The following PCDH7 variants were observed in gnomAD, a reference collection of about 807,000 sequenced individuals.
PCDH7 encodes the protein protocadherin 7.
A neutral mutation model predicts 58.9 loss-of-function variants in PCDH7; 17 were observed. The ratio of observed to expected loss-of-function variants is 0.29; its 90% CI spans 0.20 to 0.43. The LOEUF is 0.43. Ranked by LOEUF, PCDH7 falls within the 20% of genes least tolerant of loss-of-function variation. The pLI, the probability that PCDH7 is intolerant of heterozygous loss-of-function variation, is 1.00. For missense variants in PCDH7, 1,274 were observed against 1,441.0 expected, an observed-to-expected ratio of 0.88 and a Z score of 1.88; for synonymous variants, 664 against 616.4, an observed-to-expected ratio of 1.08 and a Z score of -1.14.
chr4:30,771,035 T>C (rs538088214), intron 1 of PCDH7, among the ~76,000 whole-genome samples: 19 of 152,290 alleles, frequency 1.2e-4, no homozygotes, highest in African/African-American at 4.6e-4. Context: ...TCTGGGAAGG[T>C]CACACCCTAA....
At chr4:30,732,672 T>C (rs1022614310) in exon 2 of PCDH7, 3 of 152,166 alleles carry the variant, frequency 2.0e-5, no homozygotes. Context: ...TGTGTTTCTG[T>C]TCTCGGTTGC....
At chr4:30,857,537 T>G (rs1733630372) in intron 1 of PCDH7, among the ~76,000 whole-genome samples, 1 of 152,144 alleles carries the variant, frequency 6.6e-6, no homozygotes, top group Non-Finnish European at 1.5e-5. Context: ...CTCGTCTGGG[T>G]TGTGCATAGG....
intron 2 of PCDH7, among the ~76,000 whole-genome samples, chr4:30,947,726 C>A (rs577960537): frequency 6.6e-6 from 1 of 152,216 alleles, no homozygotes; most frequent in South Asian, 2.1e-4. Flanking sequence ...CTTCTTCTAG[C>A]TATGTGAAAC....
At chr4:30,945,047 T>A (rs1029509759) in intron 2 of PCDH7, among the ~76,000 whole-genome samples, 1 of 152,094 alleles carries the variant, frequency 6.6e-6, no homozygotes. Flanking sequence ...AAGAAAAATA[T>A]ATCTCAGCTC....
At chr4:30,857,984 T>G (rs940238859) in intron 1 of PCDH7, among the ~76,000 whole-genome samples, 1 of 152,138 alleles carries the variant, frequency 6.6e-6, no homozygotes, top group Non-Finnish European at 1.5e-5. Context: ...CAGAATTAAG[T>G]AAAGAATAAA....
chr4:30,959,612 G>A (rs933154059), intron 3 of PCDH7, among the ~76,000 whole-genome samples: 1 of 152,092 alleles, frequency 6.6e-6, no homozygotes, highest in Non-Finnish European at 1.5e-5. Context: ...AAATGTGTAG[G>A]CTACTTTTTC....
At chr4:30,893,565 T>C (rs907386787) in intron 1 of PCDH7, among the ~76,000 whole-genome samples, 7 of 152,104 alleles carry the variant, frequency 4.6e-5, no homozygotes, top group African/African-American at 1.7e-4. Context: ...AGTTTGCAGG[T>C]ATATGAGCTA....
intron 1 of PCDH7, among the ~76,000 whole-genome samples, chr4:30,868,237 A>G (rs1735116231): frequency 6.6e-6 from 1 of 152,082 alleles, no homozygotes; most frequent in South Asian, 2.1e-4. Context: ...AGTGTTTTAC[A>G]TACATCACCT....
At chr4:30,918,585 T>G (rs1489912170) in intron 1 of PCDH7, among the ~76,000 whole-genome samples, 1 of 152,188 alleles carries the variant, frequency 6.6e-6, no homozygotes, top group African/African-American at 2.4e-5. Flanking sequence ...CTATGTATAC[T>G]GAAAATATTT....
At position 30,829,162 on chromosome 4, in the gene PCDH7, G is replaced by A. The variant is rs544161374; in HGVS notation, c.71-90991G>A. On this transcript the variant is annotated intron_variant, in intron 1 of 3. Coordinates refer to the PCDH7 transcript ENST00000509759. Reference sequence around the variant, plus strand: ...GGTTTTGGAAGGGAAGAGCATTTGAGAAACTGATCCTGGGATTTGTGTGTG... The same window carrying A: ...GGTTTTGGAAGGGAAGAGCATTTGAAAAACTGATCCTGGGATTTGTGTGTG... 2.0e-4 allele frequency among the ~76,000 whole-genome samples: 30 copies of A among 152,114 alleles called. 1 individual carries two copies. Among genetic ancestry groups the A allele is most frequent in the African/African-American group, 6.0e-4 (25 of 41,542 alleles).
Position 30,896,889 on chromosome 4 carries a change from C to CCTTTTTTTTT in PCDH7, c.71-23264_71-23263insCTTTTTTTTT, listed in dbSNP as rs1739467133. 2.2e-4 allele frequency among the ~76,000 whole-genome samples: 6 copies of CCTTTTTTTTT among 27,338 alleles called. No individual in the cohort carries two copies. In the East Asian group the frequency reaches 8.3e-3, roughly 38 times the overall value. 17.9% of individuals were successfully genotyped at this position (27,338 alleles called of 152,430 possible). A position where few individuals can be genotyped will look rare whatever the true frequency, so the allele number is the denominator to read the frequency against. On this transcript the variant is annotated intron_variant, in intron 1 of 3. Transcript: ENST00000509759. ...GTCTTGTGCCCCTCCTAGTTCTTTG[C>CCTTTTTTTTT]TTTTTTTTTTTTTTTTTTTTTTTTT...
At chr4:30,998,650 G>C (rs577671672) in intron 3 of PCDH7, among the ~76,000 whole-genome samples, 2 of 152,218 alleles carry the variant, frequency 1.3e-5, no homozygotes, top group South Asian at 4.1e-4. Context: ...GTCCTCACGT[G>C]AATCTGAGGC....
chr4:30,907,818 C>A (rs1166483722), intron 1 of PCDH7, among the ~76,000 whole-genome samples: 1 of 152,088 alleles, frequency 6.6e-6, no homozygotes, highest in Non-Finnish European at 1.5e-5. Context: ...TATTGCGGCA[C>A]TACTCACAAT....
At chr4:30,902,944 G>A (rs2109396310) in intron 1 of PCDH7, among the ~76,000 whole-genome samples, 1 of 152,174 alleles carries the variant, frequency 6.6e-6, no homozygotes, top group South Asian at 2.1e-4. Flanking sequence ...AATGAAATAA[G>A]TTGCTCTTGT....
chr4:30,736,535 A>ATT (rs35719962), downstream of PCDH7, among the ~76,000 whole-genome samples: 902 of 134,530 alleles, frequency 6.7e-3, 7 homozygotes, highest in African/African-American at 0.016. Flanking sequence ...ATTTTCATTT[A>ATT]TTTTTTTTTT....
chr4:30,822,320 A>C (rs1308254270), intron 1 of PCDH7, among the ~76,000 whole-genome samples: 1 of 152,164 alleles, frequency 6.6e-6, no homozygotes, highest in East Asian at 1.9e-4. Flanking sequence ...ATGCTATCAA[A>C]GTATTAGAGT....
chr4:30,790,751 C>G (rs1724005863), intron 1 of PCDH7, among the ~76,000 whole-genome samples: 1 of 152,042 alleles, frequency 6.6e-6, no homozygotes, highest in African/African-American at 2.4e-5. Flanking sequence ...GAGACCTCAT[C>G]TCTACAAAAA....
chr4:31,003,099 T>C (rs1752483906), intron 3 of PCDH7, among the ~76,000 whole-genome samples: 1 of 152,214 alleles, frequency 6.6e-6, no homozygotes, highest in African/African-American at 2.4e-5. Context: ...AAATCATGCT[T>C]ATTTAAAATT....
At chr4:30,945,032 C>T (rs901698915) in intron 2 of PCDH7, among the ~76,000 whole-genome samples, 7 of 151,998 alleles carry the variant, frequency 4.6e-5, no homozygotes, top group Non-Finnish European at 8.8e-5. Flanking sequence ...ATAAAGTTGT[C>T]ACCTAAGAAA....
Sources: gnomAD v4.1 joint callset for allele counts (sites outside exome capture counted in the v4.1 genomes callset) on GRCh38, gnomAD v4.1.1 for gene constraint, MANE v1.5 for transcripts, NCBI Gene and HGNC (gene_info 2026-07-23, HGNC 2026-07-21) for gene names.